The following CNOT6L variants were observed in gnomAD, a reference collection of about 807,000 sequenced individuals.
CNOT6L encodes the protein CCR4-NOT transcription complex subunit 6 like.
Under a neutral mutation model 64.0 loss-of-function variants are expected in CNOT6L, and 7 were observed. The observed-to-expected ratio is 0.11, with a 90% confidence interval of 0.06 to 0.21. The LOEUF (loss-of-function observed/expected upper bound fraction) is 0.21, where lower values mean the gene tolerates loss of function less well. Ranked by LOEUF, CNOT6L falls within the 10% of genes least tolerant of loss-of-function variation. CNOT6L has a pLI of 1.00. For synonymous variants in CNOT6L, 193 were observed against 243.4 expected, an observed-to-expected ratio of 0.79 and a Z score of 1.93; for missense variants, 245 against 669.0, an observed-to-expected ratio of 0.37 and a Z score of 6.99.
At chr4:77,803,922 G>A (rs972810547) in intron 1 of CNOT6L, among the ~76,000 whole-genome samples, 6 of 151,796 alleles carry the variant, frequency 4.0e-5, no homozygotes, top group African/African-American at 1.2e-4. Context: ...AGAAAAAAGC[G>A]TGAGGTGTGG....
intron 1 of CNOT6L, among the ~76,000 whole-genome samples, chr4:77,805,730 T>G (rs890216317): frequency 1.3e-5 from 2 of 152,224 alleles, no homozygotes; most frequent in Non-Finnish European, 2.9e-5. Context: ...CTATTTACTT[T>G]ATTTCACTCA....
chr4:77,724,657 A>G (rs1005280316), intron 11 of CNOT6L, among the ~76,000 whole-genome samples: 16 of 150,270 alleles, frequency 1.1e-4, no homozygotes, highest in South Asian at 2.1e-4. Flanking sequence ...AAAAAAAAAA[A>G]GGGCTATGTG....
chr4:77,787,396 C>A (rs1216250164), intron 1 of CNOT6L, among the ~76,000 whole-genome samples: 2 of 152,152 alleles, frequency 1.3e-5, no homozygotes, highest in East Asian at 3.8e-4. Flanking sequence ...GGCCTATATC[C>A]TCTAATGATT....
chr4:77,813,568 A>T (rs566927307), intron 1 of CNOT6L, among the ~76,000 whole-genome samples: 95 of 152,282 alleles, frequency 6.2e-4, no homozygotes, highest in Non-Finnish European at 1.1e-3. Context: ...CTCAATAATT[A>T]AAAAACTCAT....
At chr4:77,733,077 C>T (rs998123179) in intron 8 of CNOT6L, among the ~76,000 whole-genome samples, 4 of 152,086 alleles carry the variant, frequency 2.6e-5, no homozygotes, top group Non-Finnish European at 5.9e-5. Flanking sequence ...CTTCTTCAAA[C>T]AATTTTAAGC....
chr4:77,819,049 GACACACACACAC>G, intron 1 of CNOT6L: 2 of 522,720 alleles, frequency 3.8e-6, no homozygotes, highest in Non-Finnish European at 6.7e-6. Context: ...GGCCACCCCC[GACACACACACAC>G]ACACACACAC....
chr4:77,798,018 C>T (rs1472251358), intron 1 of CNOT6L, among the ~76,000 whole-genome samples: 1 of 152,130 alleles, frequency 6.6e-6, no homozygotes, highest in Non-Finnish European at 1.5e-5. Flanking sequence ...AACTTTTGCT[C>T]CTTGAAAAAC....
chr4:77,761,567 C>T (rs920885098), intron 4 of CNOT6L, among the ~76,000 whole-genome samples: 3 of 152,100 alleles, frequency 2.0e-5, no homozygotes, highest in African/African-American at 7.2e-5. Context: ...GAGTATTTGT[C>T]CATATTCAAC....
At chr4:77,723,020 A>C (rs1201528006) in intron 11 of CNOT6L, among the ~76,000 whole-genome samples, 1 of 152,216 alleles carries the variant, frequency 6.6e-6, no homozygotes, top group Non-Finnish European at 1.5e-5. Flanking sequence ...AGCTTTTTTA[A>C]AAGAATGCCA....
chr4:77,803,890 G>A (rs1208350246), intron 1 of CNOT6L, among the ~76,000 whole-genome samples: 3 of 151,280 alleles, frequency 2.0e-5, no homozygotes, highest in East Asian at 3.9e-4. Flanking sequence ...CAACAAGAGC[G>A]AAATTCCGTC....
At chr4:77,789,538 T>C (rs1729859831) in intron 1 of CNOT6L, among the ~76,000 whole-genome samples, 2 of 144,858 alleles carry the variant, frequency 1.4e-5, no homozygotes, top group East Asian at 2.1e-4. Context: ...GCTGGGGTGG[T>C]GGTGCATGCC....
At chr4:77,772,665 G>A (rs1253598460) in intron 4 of CNOT6L, among the ~76,000 whole-genome samples, 1 of 152,180 alleles carries the variant, frequency 6.6e-6, no homozygotes, top group Non-Finnish European at 1.5e-5. Context: ...GCTCACATCT[G>A]TAATACCAGC....
chr4:77,767,548 C>T (rs1726983876), intron 4 of CNOT6L, among the ~76,000 whole-genome samples: 1 of 152,068 alleles, frequency 6.6e-6, no homozygotes, highest in Admixed American at 6.5e-5. Context: ...ATGGTTAATA[C>T]ACAAGAGAAG....
intron 8 of CNOT6L, among the ~76,000 whole-genome samples, chr4:77,738,033 A>T (rs908727905): frequency 1.3e-5 from 2 of 152,088 alleles, no homozygotes; most frequent in Non-Finnish European, 2.9e-5. Flanking sequence ...TGATACTATG[A>T]CCTCTGAAAA....
intron 1 of CNOT6L, among the ~76,000 whole-genome samples, chr4:77,809,347 A>G (rs1732638816): frequency 6.6e-6 from 1 of 152,166 alleles, no homozygotes; most frequent in Non-Finnish European, 1.5e-5. Flanking sequence ...CCCTGGTAGA[A>G]AGATTATTCT....
At position 77,735,195 on chromosome 4, in the gene CNOT6L, C is replaced by T. The variant is rs1427504425; in HGVS notation, c.873-3657G>A. 2.0e-5 allele frequency among the ~76,000 whole-genome samples: 3 copies of T among 152,168 alleles called. No individual in the cohort carries two copies. The East Asian group carries it at 5.8e-4, about 29-fold the overall frequency. ...TAAGCTCTAAAGCTCCCTGTTGAGT[C>T]ACCTGAGGCAGTCAGGCCTGCAACA... is the stretch of plus-strand genomic sequence containing the variant. On this transcript the variant is annotated intron_variant, in intron 8 of 11. Transcript: ENST00000504123.
At chr4:77,790,189 T>G (rs1729963827) in intron 1 of CNOT6L, among the ~76,000 whole-genome samples, 1 of 152,070 alleles carries the variant, frequency 6.6e-6, no homozygotes, top group East Asian at 1.9e-4. Flanking sequence ...GGTTCTTTCA[T>G]TTAGTATTAT....
chr4:77,725,811 G>T (rs558816762), intron 11 of CNOT6L, among the ~76,000 whole-genome samples: 6 of 151,854 alleles, frequency 4.0e-5, no homozygotes, highest in Non-Finnish European at 7.4e-5. Context: ...GGGGCGGGAG[G>T]TTAGGGGAGG....
At chr4:77,813,060 A>G (rs921693104) in intron 1 of CNOT6L, among the ~76,000 whole-genome samples, 1 of 152,126 alleles carries the variant, frequency 6.6e-6, no homozygotes, top group Non-Finnish European at 1.5e-5. Context: ...ACAGTTAATT[A>G]ATTTTGGACA....
Sources: gnomAD v4.1 joint callset for allele counts (sites outside exome capture counted in the v4.1 genomes callset) on GRCh38, gnomAD v4.1.1 for gene constraint, MANE v1.5 for transcripts, NCBI Gene and HGNC (gene_info 2026-07-23, HGNC 2026-07-21) for gene names.